The following TOX variants were observed in gnomAD, a reference collection of about 807,000 sequenced individuals.
The protein encoded by TOX is thymocyte selection-associated high mobility group box protein TOX.
TOX carries 11 observed loss-of-function variants against 53.7 expected under a neutral mutation model. That is an observed-to-expected ratio of 0.20 (90% CI 0.13 to 0.34). The LOEUF is 0.34. Among genes scored for constraint, TOX ranks in the 10% least tolerant of loss-of-function variants. The pLI, the probability that TOX is intolerant of heterozygous loss-of-function variation, is 1.00. For synonymous variants in TOX, 225 were observed against 245.3 expected, an observed-to-expected ratio of 0.92 and a Z score of 0.77; for missense variants, 570 against 664.6, an observed-to-expected ratio of 0.86 and a Z score of 1.56.
At chr8:58,895,707 G>C (rs1347688813) in intron 3 of TOX, among the ~76,000 whole-genome samples, 2 of 152,206 alleles carry the variant, frequency 1.3e-5, no homozygotes, top group African/African-American at 2.4e-5. Context: ...TATGCTGGAA[G>C]ATGCCACAAC....
At chr8:58,878,965 G>A (rs745983354) in intron 3 of TOX, among the ~76,000 whole-genome samples, 4 of 151,346 alleles carry the variant, frequency 2.6e-5, no homozygotes, top group African/African-American at 4.9e-5. Flanking sequence ...GGAGGCTGAG[G>A]TAGGAAAATC....
intron 1 of TOX, among the ~76,000 whole-genome samples, chr8:59,071,185 T>C (rs1313782566): frequency 1.3e-5 from 2 of 152,124 alleles, no homozygotes; most frequent in Admixed American, 1.3e-4. Flanking sequence ...GAGATTCCAC[T>C]TGCAAGGAGG....
At chr8:59,091,724 C>T (rs554311608) in intron 1 of TOX, among the ~76,000 whole-genome samples, 1 of 152,050 alleles carries the variant, frequency 6.6e-6, no homozygotes, top group Non-Finnish European at 1.5e-5. Flanking sequence ...TTATAAATGA[C>T]TTTCTTTCTC....
chr8:59,032,585 A>C (rs1036656617), intron 1 of TOX, among the ~76,000 whole-genome samples: 5 of 152,182 alleles, frequency 3.3e-5, no homozygotes, highest in Non-Finnish European at 7.4e-5. Flanking sequence ...CTTTAATAAT[A>C]ATGAAACTCT....
intron 6 of TOX, among the ~76,000 whole-genome samples, chr8:58,826,120 A>T (rs546266512): frequency 6.6e-6 from 1 of 152,232 alleles, no homozygotes; most frequent in Non-Finnish European, 1.5e-5. Context: ...TGAGAAAAAA[A>T]GTCTTTCCTA....
chr8:58,855,486 A>G (rs1245097598), intron 3 of TOX, among the ~76,000 whole-genome samples: 1 of 152,066 alleles, frequency 6.6e-6, no homozygotes, highest in African/African-American at 2.4e-5. Context: ...TTTTCTACCA[A>G]ACTCTTGTGA....
chr8:58,812,636 T>C (rs920965313), intron 7 of TOX, among the ~76,000 whole-genome samples: 4 of 152,220 alleles, frequency 2.6e-5, no homozygotes, highest in Non-Finnish European at 4.4e-5. Flanking sequence ...CTTCCAGTTT[T>C]ATTTTTTTCA....
chr8:59,053,173 G>A (rs1359465442), intron 1 of TOX, among the ~76,000 whole-genome samples: 2 of 152,040 alleles, frequency 1.3e-5, no homozygotes, highest in African/African-American at 2.4e-5. Context: ...GCACAAATAT[G>A]TACTCTCACT....
At chr8:59,072,220 A>C (rs528310484) in intron 1 of TOX, among the ~76,000 whole-genome samples, 2 of 152,244 alleles carry the variant, frequency 1.3e-5, no homozygotes, top group African/African-American at 4.8e-5. Context: ...AAAGGAAATA[A>C]GACTTGCATT....
intron 3 of TOX, among the ~76,000 whole-genome samples, chr8:58,907,931 T>C (rs1293678023): frequency 2.6e-5 from 4 of 152,202 alleles, no homozygotes; most frequent in East Asian, 3.9e-4. Flanking sequence ...CAAACTTTTT[T>C]CCGTCAACTT....
At chr8:58,823,065 C>T (rs13262120) in intron 6 of TOX, among the ~76,000 whole-genome samples, 12,013 of 152,244 alleles carry the variant, frequency 0.079, 589 homozygotes, top group Middle Eastern at 0.13. Flanking sequence ...AATTCAATAT[C>T]CTGGTAAGAA....
chr8:58,859,377 C>G (rs1810968008), intron 3 of TOX, among the ~76,000 whole-genome samples: 1 of 152,144 alleles, frequency 6.6e-6, no homozygotes, highest in South Asian at 2.1e-4. Context: ...TTGATTTCAA[C>G]TCTGCATTTC....
intron 1 of TOX, among the ~76,000 whole-genome samples, chr8:59,108,673 CACACACACACACAT>C (rs1002595719): frequency 3.3e-5 from 5 of 150,350 alleles, no homozygotes; most frequent in Non-Finnish European, 5.9e-5. Flanking sequence ...CACACACACA[CACACACACACACAT>C]ACACACACAA....
rs185897326 is a variant in TOX at position 58,816,237 on chromosome 8, T to C, written c.1006-513A>G. Among the ~76,000 whole-genome samples, 180 of 152,118 alleles carry C rather than the reference T, an allele frequency of 1.2e-3. 1 individual carries two copies. The highest frequency in any genetic ancestry group is 4.2e-3 in the African/African-American group (174 of 41,502). ...TGGAAATGGATATGGGAGAACAGAG[T>C]TCTAAAATACCTTTCTGAAGTCATA... is the stretch of plus-strand genomic sequence containing the variant. On this transcript the variant is annotated intron_variant, in intron 6 of 8. Coordinates refer to ENST00000361421, the MANE Select transcript of TOX (RefSeq NM_014729.3).
intron 3 of TOX, among the ~76,000 whole-genome samples, chr8:58,856,484 T>C (rs963860154): frequency 6.6e-6 from 1 of 152,178 alleles, no homozygotes; most frequent in Non-Finnish European, 1.5e-5. Flanking sequence ...AGTCTGATGA[T>C]TTTTCTTTTT....
intron 6 of TOX, among the ~76,000 whole-genome samples, chr8:58,823,617 C>T (rs557402285): frequency 1.3e-5 from 2 of 152,294 alleles, no homozygotes; most frequent in East Asian, 3.9e-4. Flanking sequence ...TCATTGATTG[C>T]TCTTATTTTT....
chr8:58,906,722 C>T (rs1000539819), intron 3 of TOX, among the ~76,000 whole-genome samples: 7 of 151,880 alleles, frequency 4.6e-5, no homozygotes, highest in Non-Finnish European at 1.0e-4. Flanking sequence ...CATTTTTTTT[C>T]TCCATCTCAG....
chr8:58,838,699 CTTTTT>C (rs35347981), intron 4 of TOX, among the ~76,000 whole-genome samples: 5 of 88,906 alleles, frequency 5.6e-5, no homozygotes, highest in Admixed American at 1.3e-4. Flanking sequence ...TTATCCTTGT[CTTTTT>C]TTTTTTTTTT....
chr8:59,023,853 CT>C (rs1360149040), intron 1 of TOX, among the ~76,000 whole-genome samples: 2 of 152,198 alleles, frequency 1.3e-5, no homozygotes, highest in Admixed American at 6.5e-5. Context: ...AAAGCTTGAG[CT>C]TGAAAAAGGA....
Sources: allele counts gnomAD v4.1 joint callset (sites outside exome capture counted in the v4.1 genomes callset), GRCh38; gene constraint gnomAD v4.1.1; transcripts MANE v1.5; gene names NCBI Gene and HGNC (gene_info 2026-07-23, HGNC 2026-07-21).